SIK3: variants seen among roughly 807,000 people sequenced by gnomAD.
SIK3 encodes the protein SIK family kinase 3, also known as serine/threonine-protein kinase SIK3.
SIK3 carries 28 observed loss-of-function variants against 144.2 expected under a neutral mutation model. That is an observed-to-expected ratio of 0.19 (90% CI 0.14 to 0.27). The LOEUF (loss-of-function observed/expected upper bound fraction) is 0.27, where lower values mean the gene tolerates loss of function less well. Among genes scored for constraint, SIK3 ranks in the 10% least tolerant of loss-of-function variants. The probability of loss-of-function intolerance (pLI) is 1.00; values close to 1 mark genes in which losing one functional copy is unlikely to be tolerated. For missense variants in SIK3, 1,319 were observed against 1,776.0 expected (o/e 0.74, Z 4.62); for synonymous variants, 686 against 676.3 (o/e 1.01, Z -0.22).
At chr11:117,029,785 A>G (rs1360745037) in intron 1 of SIK3, among the ~76,000 whole-genome samples, 2 of 152,024 alleles carry the variant, frequency 1.3e-5, no homozygotes, top group South Asian at 2.1e-4. Flanking sequence ...TAATGAGTTC[A>G]GTTTTGGATA....
intron 6 of SIK3, among the ~76,000 whole-genome samples, chr11:116,882,061 T>C (rs1944579521): frequency 6.6e-6 from 1 of 152,044 alleles, no homozygotes; most frequent in East Asian, 1.9e-4. Context: ...ACCAAAACAA[T>C]TCTCTCCTCT....
rs1006576885 is a variant in SIK3, at chr11:117,003,652, A to G, written c.274-46588T>C. Reference sequence around the variant, plus strand: ...TTTATTAAATATATATATTTATTCAATGCCATGCCAGGCACACAGTAAGCA... The same window carrying G: ...TTTATTAAATATATATATTTATTCAGTGCCATGCCAGGCACACAGTAAGCA... On this transcript the variant is annotated intron_variant, in intron 1 of 24. Coordinates refer to ENST00000445177, the MANE Select transcript of SIK3 (RefSeq NM_001366686.3). 3.9e-5 allele frequency among the ~76,000 whole-genome samples: 6 copies of G among 152,148 alleles called. No homozygotes were observed. In the East Asian group the frequency reaches 9.6e-4, roughly 24 times the overall value.
At chr11:117,008,250 T>C (rs1334886343) in intron 1 of SIK3, among the ~76,000 whole-genome samples, 1 of 152,158 alleles carries the variant, frequency 6.6e-6, no homozygotes, top group African/African-American at 2.4e-5. Context: ...AACATTTATA[T>C]GCTATGCTAA....
intron 15 of SIK3, among the ~76,000 whole-genome samples, chr11:116,866,023 G>A (rs1165613964): frequency 6.6e-6 from 1 of 152,152 alleles, no homozygotes; most frequent in Non-Finnish European, 1.5e-5. Flanking sequence ...AAAACAGACA[G>A]CAGATAGATT....
At chr11:117,049,516 T>C (rs1387637079) in intron 1 of SIK3, among the ~76,000 whole-genome samples, 2 of 151,832 alleles carry the variant, frequency 1.3e-5, no homozygotes, top group Non-Finnish European at 2.9e-5. Context: ...AGGCAGAGAT[T>C]GCAGTAAGCC....
chr11:116,890,750 G>A (rs974571795), intron 6 of SIK3, among the ~76,000 whole-genome samples: 6 of 152,238 alleles, frequency 3.9e-5, no homozygotes, highest in Admixed American at 3.3e-4. Flanking sequence ...TGGGTGGAGT[G>A]GGGTGGGATA....
chr11:117,055,550 T>C (rs1953478196), intron 1 of SIK3, among the ~76,000 whole-genome samples: 2 of 152,090 alleles, frequency 1.3e-5, no homozygotes, highest in Admixed American at 1.3e-4. Flanking sequence ...GGGCTACAGG[T>C]GGGTTGGATA....
At chr11:117,038,169 C>A (rs1297588533) in intron 1 of SIK3, among the ~76,000 whole-genome samples, 1 of 152,076 alleles carries the variant, frequency 6.6e-6, no homozygotes, top group Non-Finnish European at 1.5e-5. Context: ...AATGACTGAC[C>A]TGCCTTGGCC....
At chr11:116,964,083 G>A (rs1054220946) in intron 1 of SIK3, among the ~76,000 whole-genome samples, 1 of 152,064 alleles carries the variant, frequency 6.6e-6, no homozygotes, top group African/African-American at 2.4e-5. Context: ...ACCATAGCTC[G>A]CTGCAGCCTC....
chr11:116,970,247 T>C (rs1949720357), intron 1 of SIK3, among the ~76,000 whole-genome samples: 1 of 152,134 alleles, frequency 6.6e-6, no homozygotes, highest in Non-Finnish European at 1.5e-5. Flanking sequence ...ACTACACTCC[T>C]AGCCTGGGTG....
At chr11:116,947,569 A>ATGTATTTTTT (rs374241141) in intron 3 of SIK3, among the ~76,000 whole-genome samples, 7 of 109,446 alleles carry the variant, frequency 6.4e-5, no homozygotes, top group South Asian at 3.3e-4. Context: ...GTATGTATGT[A>ATGTATTTTTT]TTTTTTTTTT....
At chr11:117,014,169 C>T (rs944131382) in intron 1 of SIK3, among the ~76,000 whole-genome samples, 4 of 150,714 alleles carry the variant, frequency 2.7e-5, no homozygotes, top group African/African-American at 7.3e-5. Context: ...TCTATTACAT[C>T]GTGCTGATGC....
At chr11:116,932,345 G>A (rs1045565875) in intron 3 of SIK3, among the ~76,000 whole-genome samples, 2 of 152,048 alleles carry the variant, frequency 1.3e-5, no homozygotes, top group Admixed American at 6.5e-5. Flanking sequence ...TGTACCCTTC[G>A]CCCAGTTTCC....
intron 1 of SIK3, among the ~76,000 whole-genome samples, chr11:117,015,602 T>G (rs1591539786): frequency 6.6e-6 from 1 of 151,538 alleles, no homozygotes; most frequent in East Asian, 1.9e-4. Flanking sequence ...GAGACGTTGT[T>G]TCACTCTTAT....
At chr11:117,057,547 G>A (rs931424987) in intron 1 of SIK3, among the ~76,000 whole-genome samples, 4 of 152,272 alleles carry the variant, frequency 2.6e-5, no homozygotes, top group East Asian at 3.9e-4. Context: ...GCCAGGCTCC[G>A]TCCTAGGCCA....
chr11:117,018,053 G>T (rs1294167609), intron 1 of SIK3, among the ~76,000 whole-genome samples: 2 of 152,184 alleles, frequency 1.3e-5, no homozygotes, highest in Admixed American at 6.5e-5. Flanking sequence ...AAATCTTCGG[G>T]GGTAATATGA....
At chr11:117,007,672 G>A (rs906811441) in intron 1 of SIK3, among the ~76,000 whole-genome samples, 1 of 152,192 alleles carries the variant, frequency 6.6e-6, no homozygotes, top group African/African-American at 2.4e-5. Context: ...GTTATGGAGT[G>A]TCATACTAAC....
chr11:116,918,401 A>T (rs558746596), intron 4 of SIK3, among the ~76,000 whole-genome samples: 1 of 138,476 alleles, frequency 7.2e-6, no homozygotes, highest in Non-Finnish European at 1.6e-5. Flanking sequence ...CCCCACCCCC[A>T]CAAGACCTCA....
Position 116,873,907 on chromosome 11 carries a change from T to C in SIK3, c.1577A>G (p.Tyr526Cys), listed in dbSNP as rs747516627. The C allele has an allele frequency of 6.2e-7, 1 of 1,612,260 alleles. No homozygotes were observed. Residue 526 changes from tyrosine (Y) to cysteine (C), a missense_variant, in exon 12 of 25, where the codon TAC becomes TGC. By Grantham distance (194) the Tyr-to-Cys change is radical (BLOSUM62 -2). Coordinates refer to ENST00000445177, the MANE Select transcript of SIK3 (RefSeq NM_001366686.3). ...QNLQPTGQLE[Y>C]KEQSLLQPPT... is the part of the protein sequence containing the mutation. ...CCCTCTTCCATGTCTAGGTACCTTG[T>C]ACTCAAGTTGCCCGGTTGGTTGCAA...
Sources: allele counts gnomAD v4.1 joint callset (sites outside exome capture counted in the v4.1 genomes callset), GRCh38; gene constraint gnomAD v4.1.1; transcripts MANE v1.5; gene names NCBI Gene and HGNC (gene_info 2026-07-23, HGNC 2026-07-21).